The following LMTK3 variants were observed in gnomAD, a reference collection of about 807,000 sequenced individuals.
LMTK3 encodes the protein serine/threonine-protein kinase LMTK3.
Under a neutral mutation model 116.7 loss-of-function variants are expected in LMTK3, and 27 were observed. The observed-to-expected ratio is 0.23, with a 90% CI of 0.17 to 0.32. The LOEUF is 0.32. Ranked by LOEUF, LMTK3 falls within the 10% of genes least tolerant of loss-of-function variation. LMTK3 has a pLI of 1.00. For synonymous variants in LMTK3, 965 were observed against 971.0 expected (o/e 0.99, Z 0.11); for missense variants, 1,764 against 2,068.5 (o/e 0.85, Z 2.86).
In LMTK3 at chr19:48,498,815, C is replaced by CTGG; in HGVS notation, c.2253_2254insCCA (p.Pro751dup). 1 of 477,452 alleles carries CTGG rather than the reference C, an allele frequency of 2.1e-6. No homozygotes were observed. The allele number at this position is 477,452 out of a possible 1,614,324, so 29.6% of individuals were successfully genotyped here. A position where few individuals can be genotyped will look rare whatever the true frequency, so the allele number is the denominator to read the frequency against. ...GGAGGTGGCGGCGGGGGGGGGGGAG[C>CTGG]GGGAGGTGGCCCCCGCCCGGGGTAC... is the stretch of plus-strand genomic sequence containing the variant. On this transcript the variant is annotated inframe_insertion, in exon 11 of 15. Transcript: ENST00000600059.
chr19:48,487,038 T>G (rs1431640094), intron 14 of LMTK3, among the ~76,000 whole-genome samples: 2 of 150,600 alleles, frequency 1.3e-5, no homozygotes, highest in African/African-American at 4.9e-5. Context: ...GCTATTTTTT[T>G]TTTTTTTTTT....
intron 5 of LMTK3, among the ~76,000 whole-genome samples, chr19:48,508,437 C>T (rs1972605221): frequency 6.6e-6 from 1 of 152,098 alleles, no homozygotes; most frequent in South Asian, 2.1e-4. Context: ...GATGGAGCTC[C>T]ACAGTGGCCT....
Position 48,497,453 on chromosome 19 carries a change from CG to C in LMTK3, c.3615del (p.Glu1206ArgfsTer110). On this transcript the variant is annotated frameshift_variant, in exon 11 of 15. Coordinates refer to ENST00000600059, the MANE Select transcript of LMTK3 (RefSeq NM_001388485.1). LOFTEE classifies it high-confidence loss of function. This position sits in a 1 kb window ranked among gnomAD's most constrained non-coding sequence, Gnocchi z 5.7. ...AAGTCCAAGAATAGTCGTGGCATCT[CG>C]GGGCCCTTCCTCTCGGGCTTGGGGG... ...GDPPKPERKG[P>X]EMPRLFLDLG... 1 of 1,533,744 alleles carries C rather than the reference CG, an allele frequency of 6.5e-7. No homozygotes were observed. The highest frequency in any genetic ancestry group is 2.1e-5 in the Admixed American group (1 of 48,194).
At chr19:48,493,671 C>T in intron 12 of LMTK3, 23 bp downstream of exon 12, 1 of 1,551,470 alleles carries the variant, frequency 6.4e-7, no homozygotes, top group Non-Finnish European at 8.7e-7. Flanking sequence ...GACCCCGAAA[C>T]CGCGCCCTCT....
chr19:48,506,274 T>G (rs1221323276), intron 5 of LMTK3, among the ~76,000 whole-genome samples: 2 of 144,440 alleles, frequency 1.4e-5, no homozygotes, highest in South Asian at 2.2e-4. Flanking sequence ...AAAAAAAAAG[T>G]ATTTATTTAT....
Position 48,497,535 on chromosome 19 carries a change from G to A in LMTK3, c.3534C>T (p.Pro1178=), listed in dbSNP as rs762705500. 7 of 1,399,632 alleles carry A rather than the reference G, an allele frequency of 5.0e-6. No homozygotes were observed. The highest frequency in any genetic ancestry group is 4.5e-5 in the African/African-American group (3 of 66,736). The allele number at this position is 1,399,632 out of a possible 1,614,324, so 86.7% of individuals were successfully genotyped here. ...ARPEVAPEGE[P]GAPDSRAGGD... ...CGCCGGCCCTGCTGTCTGGGGCCCC[G>A]GGCTCTCCCTCGGGGGCCACCTCCG... is the stretch of plus-strand genomic sequence containing the variant. Residue 1178 remains proline, a synonymous_variant, in exon 11 of 15, where the codon CCC becomes CCT. Transcript: ENST00000600059. The surrounding 1 kb of genome is among the most constrained non-coding windows in gnomAD (Gnocchi z 5.7).
intron 12 of LMTK3, among the ~76,000 whole-genome samples, chr19:48,493,232 G>GTA (rs1407441765): frequency 1.4e-5 from 2 of 144,260 alleles, no homozygotes; most frequent in Non-Finnish European, 3.0e-5. Context: ...AAACCCTGCT[G>GTA]TAGACCCCGC....
intron 2 of LMTK3, 106 bp downstream of exon 2, chr19:48,510,353 G>A: frequency 6.8e-7 from 1 of 1,467,460 alleles, no homozygotes. Flanking sequence ...AAGCTGGAAG[G>A]TGCTCTCGGA....
At position 48,497,381 on chromosome 19, in the gene LMTK3, C is replaced by T. The variant is rs200258485; in HGVS notation, c.3676+12G>A. ...GGACCTCAGCCCTGACTGTGCCCCGCAGCCTCCTCACCTTTGATCTGCTCG... is the reference window on the plus strand; with the variant it reads ...GGACCTCAGCCCTGACTGTGCCCCGTAGCCTCCTCACCTTTGATCTGCTCG... On this transcript the variant is annotated intron_variant, in intron 11 of 14. Coordinates refer to ENST00000600059, the MANE Select transcript of LMTK3 (RefSeq NM_001388485.1). This position sits in a 1 kb window ranked among gnomAD's most constrained non-coding sequence, Gnocchi z 5.7. 3,134 of 1,470,792 alleles carry T rather than the reference C, an allele frequency of 2.1e-3. 7 individuals are homozygous for T. Among genetic ancestry groups the T allele is most frequent in the Non-Finnish European group, 2.5e-3 (2,808 of 1,111,010 alleles). 91.1% of individuals were successfully genotyped at this position (1,470,792 alleles called of 1,614,324 possible). A position where few individuals can be genotyped will look rare whatever the true frequency, so the allele number is the denominator to read the frequency against.
intron 9 of LMTK3, 47 bp from the exon 10 acceptor site, chr19:48,501,192 G>A: frequency 1.2e-6 from 2 of 1,605,332 alleles, no homozygotes; most frequent in Non-Finnish European, 1.7e-6. Flanking sequence ...ACCCACCCGG[G>A]CCTCATTTTC....
chr19:48,510,324 C>T, intron 2 of LMTK3, 135 bp downstream of exon 2: 2 of 1,418,160 alleles, frequency 1.4e-6, no homozygotes, highest in Middle Eastern at 1.9e-4. Flanking sequence ...CCCAAGGCTC[C>T]AGATCTTGCC....
At position 48,498,425 on chromosome 19, in the gene LMTK3, C is replaced by G. The variant is rs749736250; in HGVS notation, c.2644G>C (p.Ala882Pro). The G allele has an allele frequency of 4.4e-6, 7 of 1,606,782 alleles. No homozygotes were observed. The South Asian group carries it at 7.8e-5, about 18-fold the overall frequency. ...RNLLGEKGAT[A>P]RETGPRKAGR... ...GCCTTCCTGGGTCCTGTCTCCCGGGCTGTCGCCCCCTTCTCCCCCAGGAGG... is the reference window on the plus strand; with the variant it reads ...GCCTTCCTGGGTCCTGTCTCCCGGGGTGTCGCCCCCTTCTCCCCCAGGAGG... The change falls in exon 11 of 15, where the codon GCC becomes CCC. Residue 882 changes from alanine (A) to proline (P), a missense_variant. By Grantham distance (27) the Ala-to-Pro change is conservative (BLOSUM62 -1). This residue lies in a region of LMTK3 where 1,028 missense variants were observed against 1,050.6 expected (regional missense o/e 0.98). Coordinates refer to ENST00000600059, the MANE Select transcript of LMTK3 (RefSeq NM_001388485.1).
chr19:48,511,654 G>A lies in LMTK3; in HGVS notation c.-78C>T. 1 of 632,434 alleles carries A rather than the reference G, an allele frequency of 1.6e-6. No individual in the cohort carries two copies. The allele number at this position is 632,434 out of a possible 1,614,324, so 39.2% of individuals were successfully genotyped here. ...GGGCGGGCCCTCAGCCCCCAGCCAT[G>A]GGGACCCGCGCGACCCTGGCCTCCT... On this transcript the variant is annotated 5_prime_UTR_variant, in exon 1 of 15. Transcript: ENST00000600059.
chr19:48,499,890 C>A lies in LMTK3; in HGVS notation c.1179G>T (p.Arg393=). Reference sequence around the variant, plus strand: ...AGGCTGAAGGGCGCTGGGCAGGTGGCCGCCAGCAGGACTGAAGAATGTCAT... The same window carrying A: ...AGGCTGAAGGGCGCTGGGCAGGTGGACGCCAGCAGGACTGAAGAATGTCAT... ...YWYDILQSCW[R]PPAQRPSASD... is the part of the protein sequence containing the mutation. The change falls in exon 11 of 15, where the codon CGG becomes CGT. Residue 393 remains arginine, a synonymous_variant. Transcript: ENST00000600059. 6.3e-7 allele frequency: 1 copy of A among 1,597,780 alleles called. No homozygotes were observed. The highest frequency in any genetic ancestry group is 8.5e-7 in the Non-Finnish European group (1 of 1,173,822).
chr19:48,491,502 G>A lies in LMTK3; in HGVS notation c.4130C>T (p.Pro1377Leu). 1 of 1,407,016 alleles carries A rather than the reference G, an allele frequency of 7.1e-7. No individual in the cohort carries two copies. Among genetic ancestry groups the A allele is most frequent in the South Asian group, 1.6e-5 (1 of 60,672 alleles). 87.2% of individuals were successfully genotyped at this position (1,407,016 alleles called of 1,614,324 possible). The part of the protein sequence containing the change: ...PTNELSVQAP[P>L]EGDTDPSTPP... The stretch of plus-strand genomic sequence containing the variant: ...CGTTGACGGGTCCGTGTCCCCCTCG[G>A]GGGGGGCCTGGACGCTCAGCTCGTT... The change falls in exon 13 of 15, where the codon CCC becomes CTC. Residue 1377 changes from proline (P) to leucine (L), a missense_variant. Transcript: ENST00000600059. This position sits in a 1 kb window ranked among gnomAD's most constrained non-coding sequence, Gnocchi z 5.1.
At chr19:48,503,035 C>A in intron 5 of LMTK3, 39 bp from the exon 6 acceptor site, 1 of 1,271,654 alleles carries the variant, frequency 7.9e-7, no homozygotes, top group South Asian at 1.2e-5. Flanking sequence ...GAAGGCAGCC[C>A]CTTCCTCTTC....
chr19:48,508,032 T>G (rs1454203290), intron 5 of LMTK3, among the ~76,000 whole-genome samples: 1 of 151,938 alleles, frequency 6.6e-6, no homozygotes, highest in Non-Finnish European at 1.5e-5. Flanking sequence ...AGGAGTGATA[T>G]TCTAGAGAGG....
In LMTK3 at chr19:48,491,145, C is replaced by T. The variant is rs746601420; in HGVS notation, c.4329G>A (p.Pro1443=). Residue 1443 remains proline (P), a synonymous_variant, in exon 14 of 15, where the codon CCG becomes CCA. Transcript: ENST00000600059. This position sits in a 1 kb window ranked among gnomAD's most constrained non-coding sequence, Gnocchi z 5.1. ...RFSVSPALET[P]GPPARAPDAR... ...CGTCGGGGGCCCGGGCGGGTGGCCC[C>T]GGGGTCTCCAGCGCAGGCGAGACGG... 4 of 1,267,272 alleles carry T rather than the reference C, an allele frequency of 3.2e-6. No individual in the cohort carries two copies. The highest frequency in any genetic ancestry group is 3.7e-5 in the East Asian group (1 of 26,970). 78.5% of individuals were successfully genotyped at this position (1,267,272 alleles called of 1,614,324 possible).
intron 5 of LMTK3, among the ~76,000 whole-genome samples, chr19:48,504,065 A>G (rs1211777097): frequency 6.6e-6 from 1 of 152,068 alleles, no homozygotes; most frequent in East Asian, 1.9e-4. Flanking sequence ...ACAGGGTTTC[A>G]CCATGTTGGC....
Sources: gnomAD v4.1 joint callset for allele counts (sites outside exome capture counted in the v4.1 genomes callset) on GRCh38, gnomAD v4.1.1 for gene constraint, gnomAD v4.1.1 regional missense constraint, Gnocchi (gnomAD v3.1) non-coding constraint, MANE v1.5 for transcripts, NCBI Gene and HGNC (gene_info 2026-07-23, HGNC 2026-07-21) for gene names.